The following HS3ST4 variants were observed in gnomAD, a reference collection of about 807,000 sequenced individuals.
The protein encoded by HS3ST4 is heparan sulfate-glucosamine 3-sulfotransferase 4, also known as heparan sulfate glucosamine 3-O-sulfotransferase 4.
Under a neutral mutation model 29.2 loss-of-function variants are expected in HS3ST4, and 17 were observed. The observed-to-expected ratio is 0.58, with a 90% CI of 0.40 to 0.87. The LOEUF is 0.87. Among genes scored for constraint, HS3ST4 ranks in the 40% least tolerant of loss-of-function variants. The probability of loss-of-function intolerance (pLI) is 0.00; values close to 1 mark genes in which losing one functional copy is unlikely to be tolerated. For synonymous variants in HS3ST4, 314 were observed against 285.7 expected (o/e 1.10, Z -1.00); for missense variants, 627 against 634.5 (o/e 0.99, Z 0.13).
At chr16:25,828,294 T>TCTCTC (rs1967251613) in intron 1 of HS3ST4, among the ~76,000 whole-genome samples, 4 of 45,058 alleles carry the variant, frequency 8.9e-5, no homozygotes, top group Admixed American at 2.5e-4. Context: ...CTTTCTTTCT[T>TCTCTC]TCTTTCCCTC....
At chr16:25,985,966 C>T (rs530112943) in intron 1 of HS3ST4, among the ~76,000 whole-genome samples, 1 of 152,264 alleles carries the variant, frequency 6.6e-6, no homozygotes, top group East Asian at 1.9e-4. Flanking sequence ...ATTACAGGCA[C>T]GGCCCACCAT....
intron 1 of HS3ST4, among the ~76,000 whole-genome samples, chr16:26,122,872 C>T (rs1358668317): frequency 2.0e-5 from 3 of 152,008 alleles, no homozygotes; most frequent in East Asian, 3.9e-4. Flanking sequence ...CTGACCAACA[C>T]GTGAAACCTC....
intron 1 of HS3ST4, among the ~76,000 whole-genome samples, chr16:25,823,182 G>A (rs993742969): frequency 1.3e-5 from 2 of 152,180 alleles, no homozygotes; most frequent in African/African-American, 2.4e-5. Flanking sequence ...CCATAATTGT[G>A]CATTCCAGAA....
intron 1 of HS3ST4, among the ~76,000 whole-genome samples, chr16:25,886,294 A>G (rs985877623): frequency 1.3e-5 from 2 of 152,032 alleles, no homozygotes; most frequent in African/African-American, 4.8e-5. Flanking sequence ...CGGCCTCCCA[A>G]AGTTCTGGGA....
At chr16:25,819,305 A>G (rs1967124213) in intron 1 of HS3ST4, among the ~76,000 whole-genome samples, 1 of 152,094 alleles carries the variant, frequency 6.6e-6, no homozygotes, top group African/African-American at 2.4e-5. Context: ...CTCCTACAAC[A>G]TCCAAGGGAA....
At chr16:25,864,179 GAA>G (rs1967669237) in intron 1 of HS3ST4, among the ~76,000 whole-genome samples, 1 of 152,146 alleles carries the variant, frequency 6.6e-6, no homozygotes, top group African/African-American at 2.4e-5. Context: ...CTTTATTAAG[GAA>G]AAATTAACAA....
Position 25,980,243 on chromosome 16 carries a change from G to A in HS3ST4, c.735-155369G>A, listed in dbSNP as rs371257085. On this transcript the variant is annotated intron_variant, in intron 1 of 1. Coordinates refer to ENST00000331351, the MANE Select transcript of HS3ST4 (RefSeq NM_006040.3). ...ATCTGGGTCATTCCTAACATGTACTGTGAATAATAGTTTCCTAATCACAAC... is the reference window on the plus strand; with the variant it reads ...ATCTGGGTCATTCCTAACATGTACTATGAATAATAGTTTCCTAATCACAAC... 1.1e-4 allele frequency among the ~76,000 whole-genome samples: 17 copies of A among 152,150 alleles called. 1 individual carries two copies. The highest frequency in any genetic ancestry group is 7.2e-4 in the Admixed American group (11 of 15,280).
Position 25,857,988 on chromosome 16 carries a change from T to TTTCC in HS3ST4, c.734+164839_734+164840insCCTT, listed in dbSNP as rs1455239575. Reference sequence around the variant, plus strand: ...TCTTTCTTTCTCTTTTCTGTCTTTCTTTTTCTTCCTTCTTTTCTTTCTGTC... The same window carrying TTTCC: ...TCTTTCTTTCTCTTTTCTGTCTTTCTTTCCTTTTCTTCCTTCTTTTCTTTCTGTC... On this transcript the variant is annotated intron_variant, in intron 1 of 1. Transcript: ENST00000331351. Among the ~76,000 whole-genome samples the TTTCC allele has an allele frequency of 2.2e-5, 3 of 133,508 alleles. 1 individual carries two copies. 87.6% of individuals were successfully genotyped at this position (133,508 alleles called of 152,430 possible). A position where few individuals can be genotyped will look rare whatever the true frequency, so the allele number is the denominator to read the frequency against.
At position 25,873,363 on chromosome 16, in the gene HS3ST4, TAGCAAGCCATCCA is replaced by T. The variant is rs1567261366; in HGVS notation, c.734+180213_734+180225del. Among the ~76,000 whole-genome samples the T allele has an allele frequency of 5.4e-3, 629 of 115,492 alleles. 2 individuals carry two copies. Among genetic ancestry groups the T allele is most frequent in the South Asian group, 0.027 (83 of 3,110 alleles). The allele number at this position is 115,492 out of a possible 152,430, so 75.8% of individuals were successfully genotyped here. A position where few individuals can be genotyped will look rare whatever the true frequency, so the allele number is the denominator to read the frequency against. On this transcript the variant is annotated intron_variant, in intron 1 of 1. Transcript: ENST00000331351. Reference sequence around the variant, plus strand: ...TCATCCATCTATCCATCCATCCACCTAGCAAGCCATCCAGTCATCCATCCATCCATCCATCCAT... The same window carrying T: ...TCATCCATCTATCCATCCATCCACCTGTCATCCATCCATCCATCCATCCAT...
intron 1 of HS3ST4, among the ~76,000 whole-genome samples, chr16:26,083,888 A>C (rs1172598408): frequency 6.6e-6 from 1 of 152,190 alleles, no homozygotes; most frequent in Non-Finnish European, 1.5e-5. Context: ...AGGGGAGATA[A>C]CATGTGAAAG....
intron 1 of HS3ST4, among the ~76,000 whole-genome samples, chr16:25,908,392 A>C (rs1403195694): frequency 1.3e-5 from 2 of 152,222 alleles, no homozygotes; most frequent in Non-Finnish European, 2.9e-5. Flanking sequence ...ATGTAGCTGT[A>C]GGATTCACAG....
intron 1 of HS3ST4, among the ~76,000 whole-genome samples, chr16:26,125,458 G>C (rs573686004): frequency 6.6e-6 from 1 of 152,354 alleles, no homozygotes; most frequent in East Asian, 1.9e-4. Flanking sequence ...GTGGAGCTCA[G>C]GCAGTAATGC....
At chr16:26,128,898 C>T (rs909872285) in intron 1 of HS3ST4, among the ~76,000 whole-genome samples, 7 of 152,172 alleles carry the variant, frequency 4.6e-5, no homozygotes, top group African/African-American at 1.7e-4. Flanking sequence ...CTTGCTGTAA[C>T]CACCATCCTC....
intron 1 of HS3ST4, among the ~76,000 whole-genome samples, chr16:25,723,039 C>T (rs1966508187): frequency 6.6e-6 from 1 of 152,090 alleles, no homozygotes; most frequent in Admixed American, 6.5e-5. Context: ...AGAGGTTTCC[C>T]CTTATAAAAC....
At position 26,079,218 on chromosome 16, in the gene HS3ST4, C is replaced by T. The variant is rs538323373; in HGVS notation, c.735-56394C>T. 1.4e-4 allele frequency among the ~76,000 whole-genome samples: 22 copies of T among 152,290 alleles called. No homozygotes were observed. The East Asian group carries it at 1.7e-3, about 12-fold the overall frequency. On this transcript the variant is annotated intron_variant, in intron 1 of 1. Coordinates refer to ENST00000331351, the MANE Select transcript of HS3ST4 (RefSeq NM_006040.3). ...AGACATAATAAACGAGCTGCCTCTG[C>T]ACGATAAACGACAGCTGTGACTGAA...
intron 1 of HS3ST4, among the ~76,000 whole-genome samples, chr16:25,835,868 C>T (rs890153291): frequency 1.4e-4 from 21 of 152,220 alleles, no homozygotes; most frequent in African/African-American, 4.6e-4. Flanking sequence ...TTCTTGCTTG[C>T]GAGCAACAGA....
intron 1 of HS3ST4, among the ~76,000 whole-genome samples, chr16:25,708,430 A>T (rs1966390830): frequency 6.6e-6 from 1 of 152,150 alleles, no homozygotes; most frequent in South Asian, 2.1e-4. Flanking sequence ...CCCATTCTGA[A>T]CCAATTTCTT....
At chr16:26,070,450 G>C (rs1317535087) in intron 1 of HS3ST4, among the ~76,000 whole-genome samples, 2 of 152,288 alleles carry the variant, frequency 1.3e-5, no homozygotes, top group East Asian at 3.9e-4. Flanking sequence ...GCATAGCCCA[G>C]ATAATATAAC....
At chr16:25,873,658 G>GTCCATCCATCCA (rs748088571) in intron 1 of HS3ST4, among the ~76,000 whole-genome samples, 33 of 84,592 alleles carry the variant, frequency 3.9e-4, no homozygotes, top group South Asian at 1.6e-3. Context: ...CCATCCGTCC[G>GTCCATCCATCCA]TCCATCCATC....
Sources: gnomAD v4.1 joint callset for allele counts (sites outside exome capture counted in the v4.1 genomes callset) on GRCh38, gnomAD v4.1.1 for gene constraint, MANE v1.5 for transcripts, NCBI Gene and HGNC (gene_info 2026-07-23, HGNC 2026-07-21) for gene names.